Variants in ROBO1 observed in about 807,000 individuals in gnomAD.
ROBO1 encodes the protein roundabout guidance receptor 1.
Under a neutral mutation model 195.9 loss-of-function variants are expected in ROBO1, and 149 were observed. The observed-to-expected ratio is 0.76, with a 90% CI of 0.67 to 0.87. The LOEUF (loss-of-function observed/expected upper bound fraction) is 0.87, where lower values mean the gene tolerates loss of function less well. Among genes scored for constraint, ROBO1 ranks in the 40% least tolerant of loss-of-function variants. The pLI is 0.00. For synonymous variants in ROBO1, 816 were observed against 733.2 expected, an observed-to-expected ratio of 1.11 and a Z score of -1.82; for missense variants, 1,933 against 2,068.3, an observed-to-expected ratio of 0.93 and a Z score of 1.27.
chr3:79,521,771 C>T (rs1014854990), intron 2 of ROBO1, among the ~76,000 whole-genome samples: 1 of 152,030 alleles, frequency 6.6e-6, no homozygotes, highest in Non-Finnish European at 1.5e-5. Context: ...TTGTGAACCC[C>T]GAGACTTGTC....
intron 1 of ROBO1, among the ~76,000 whole-genome samples, chr3:79,665,920 A>T (rs1276181946): frequency 6.6e-6 from 1 of 151,918 alleles, no homozygotes; most frequent in Non-Finnish European, 1.5e-5. Context: ...GAAAGATGAT[A>T]CTTGTTTTAG....
At chr3:79,503,392 T>C (rs144460418) in intron 2 of ROBO1, among the ~76,000 whole-genome samples, 36 of 152,306 alleles carry the variant, frequency 2.4e-4, no homozygotes, top group African/African-American at 7.0e-4. Flanking sequence ...TTAAGAACTG[T>C]ACCACTCACC....
intron 3 of ROBO1, among the ~76,000 whole-genome samples, chr3:79,096,311 A>G (rs531822193): frequency 1.3e-5 from 2 of 152,102 alleles, no homozygotes; most frequent in East Asian, 3.9e-4. Context: ...AGATAATCTC[A>G]GAAGATCTCT....
At chr3:79,460,968 A>G (rs1937617190) in intron 2 of ROBO1, among the ~76,000 whole-genome samples, 1 of 151,984 alleles carries the variant, frequency 6.6e-6, no homozygotes, top group South Asian at 2.1e-4. Flanking sequence ...CAGAAGTAGT[A>G]TTTTTATTAA....
chr3:79,606,482 T>C lies in ROBO1; in HGVS notation c.-50-16521A>G, dbSNP rs146961800. Among the ~76,000 whole-genome samples the C allele has an allele frequency of 4.7e-3, 715 of 152,064 alleles. 7 individuals are homozygous for C. Among genetic ancestry groups the C allele is most frequent in the Middle Eastern group, 0.034 (10 of 292 alleles). On this transcript the variant is annotated intron_variant, in intron 1 of 30. Transcript: ENST00000464233. ...TTTTAGAGAAAGGGTCTTGCTTCCC[T>C]GCCCAGGCTGGACTCTGACTCCTAG... is the stretch of plus-strand genomic sequence containing the variant.
At chr3:79,042,661 T>G (rs1405160610) in intron 3 of ROBO1, among the ~76,000 whole-genome samples, 1 of 152,168 alleles carries the variant, frequency 6.6e-6, no homozygotes, top group African/African-American at 2.4e-5. Context: ...TTTACCAAAT[T>G]GAAACTTTCT....
At chr3:78,761,813 G>T (rs1376181811) in intron 4 of ROBO1, among the ~76,000 whole-genome samples, 2 of 152,074 alleles carry the variant, frequency 1.3e-5, no homozygotes, top group African/African-American at 2.4e-5. Context: ...TTTGGCAAAA[G>T]AAGTCACACA....
chr3:79,483,252 A>C (rs1414669220), intron 2 of ROBO1, among the ~76,000 whole-genome samples: 1 of 152,222 alleles, frequency 6.6e-6, no homozygotes, highest in Non-Finnish European at 1.5e-5. Context: ...CAAAAAATGA[A>C]AGATTGTTAA....
At chr3:79,621,352 G>A (rs1329798793) in intron 1 of ROBO1, among the ~76,000 whole-genome samples, 4 of 151,918 alleles carry the variant, frequency 2.6e-5, no homozygotes, top group Non-Finnish European at 4.4e-5. Context: ...CTCCTTTTTC[G>A]GACTCAGTCT....
chr3:78,813,706 C>T (rs2084814302), intron 4 of ROBO1, among the ~76,000 whole-genome samples: 1 of 152,044 alleles, frequency 6.6e-6, no homozygotes, highest in East Asian at 1.9e-4. Context: ...AGAGTCAATT[C>T]TCAATGACTG....
At chr3:79,619,009 C>T (rs1475039351) in intron 1 of ROBO1, among the ~76,000 whole-genome samples, 14 of 152,242 alleles carry the variant, frequency 9.2e-5, no homozygotes, top group African/African-American at 2.9e-4. Context: ...CGGACACCTG[C>T]CTTGATCATT....
At chr3:79,521,947 G>C (rs1941226855) in intron 2 of ROBO1, among the ~76,000 whole-genome samples, 1 of 152,136 alleles carries the variant, frequency 6.6e-6, no homozygotes, top group Non-Finnish European at 1.5e-5. Flanking sequence ...GGTTTACATA[G>C]ATAGGTAAAA....
rs182307401 is a variant in ROBO1, at chr3:78,983,435, G to C, written c.173-44508C>G. ...TGAAATGCAAATGCAAAGAACCCTC[G>C]AAGACGTTTAAAGAATCTGCTTCTC... is the stretch of plus-strand genomic sequence containing the variant. On this transcript the variant is annotated intron_variant, in intron 3 of 30. Coordinates refer to ENST00000464233, the MANE Select transcript of ROBO1 (RefSeq NM_002941.4). 2.0e-5 allele frequency among the ~76,000 whole-genome samples: 3 copies of C among 152,238 alleles called. No individual in the cohort carries two copies. In the South Asian group the frequency reaches 6.2e-4, roughly 32 times the overall value.
intron 4 of ROBO1, among the ~76,000 whole-genome samples, chr3:78,867,777 T>C (rs2035273743): frequency 1.3e-5 from 2 of 152,124 alleles, no homozygotes; most frequent in African/African-American, 4.8e-5. Flanking sequence ...CCAAATCAGC[T>C]ACAAATTTTC....
rs1427995161 is a variant in ROBO1 at position 78,668,027 on chromosome 3, G to T, written c.1822C>A (p.Gln608Lys). Residue 608 changes from glutamine (Q) to lysine (K), a missense_variant, in exon 14 of 31, where the codon CAG becomes AAG. Coordinates refer to ENST00000464233, the MANE Select transcript of ROBO1 (RefSeq NM_002941.4). Reference sequence around the variant, plus strand: ...GTTTTCACATTCTCTGCTACGGTCTGCCAGCTGCTACCAGATGCATGGCTA... The same window carrying T: ...GTTTTCACATTCTCTGCTACGGTCTTCCAGCTGCTACCAGATGCATGGCTA... The part of the protein sequence containing the change: ...AFSHASGSSW[Q>K]TVAENVKTET... The T allele has an allele frequency of 6.2e-7, 1 of 1,613,508 alleles. No homozygotes were observed. Among genetic ancestry groups the T allele is most frequent in the East Asian group, 2.2e-5 (1 of 44,860 alleles).
At chr3:79,072,140 TACTC>T (rs947160684) in intron 3 of ROBO1, among the ~76,000 whole-genome samples, 57 of 152,044 alleles carry the variant, frequency 3.7e-4, no homozygotes, top group African/African-American at 1.3e-3. Context: ...CATTTTGACA[TACTC>T]AGTCTTTAAT....
intron 10 of ROBO1, among the ~76,000 whole-genome samples, chr3:78,673,439 T>C (rs915805445): frequency 6.9e-6 from 1 of 145,032 alleles, no homozygotes; most frequent in Non-Finnish European, 1.5e-5. Context: ...TATATATATA[T>C]ATATTACAGC....
At chr3:79,045,775 T>C (rs768718429) in intron 3 of ROBO1, among the ~76,000 whole-genome samples, 1 of 152,132 alleles carries the variant, frequency 6.6e-6, no homozygotes, top group Non-Finnish European at 1.5e-5. Flanking sequence ...TCAATACTTA[T>C]TAAGCTTCTC....
chr3:79,646,154 T>C (rs1336150212), intron 1 of ROBO1, among the ~76,000 whole-genome samples: 1 of 151,674 alleles, frequency 6.6e-6, no homozygotes, highest in Non-Finnish European at 1.5e-5. Flanking sequence ...ACCAACAGAA[T>C]GAGAAAAGAA....
Sources: gnomAD v4.1 joint callset for allele counts (sites outside exome capture counted in the v4.1 genomes callset) on GRCh38, gnomAD v4.1.1 for gene constraint, MANE v1.5 for transcripts, NCBI Gene and HGNC (gene_info 2026-07-23, HGNC 2026-07-21) for gene names.